Variants in TNMD observed in about 807,000 individuals in gnomAD.
TNMD encodes the protein tenomodulin.
In TNMD, 15 loss-of-function variants were observed where a neutral mutation model predicts 26.9. The ratio of observed to expected loss-of-function variants is 0.56; its 90% CI spans 0.37 to 0.86. The LOEUF (loss-of-function observed/expected upper bound fraction) is 0.86. TNMD is among the 40% of genes least tolerant of loss of function. The pLI is 0.00. For missense variants in TNMD, 222 were observed against 242.6 expected, an observed-to-expected ratio of 0.92 and a Z score of 0.56; for synonymous variants, 73 against 77.0, an observed-to-expected ratio of 0.95 and a Z score of 0.27.
Position 100,587,580 on chromosome X carries a change from A to G in TNMD, c.180+2218A>G, listed in dbSNP as rs138226800. Among the ~76,000 whole-genome samples the G allele has an allele frequency of 3.9e-3, 439 of 112,103 alleles. 3 individuals carry two copies. The highest frequency in any genetic ancestry group is 0.013 in the African/African-American group (401 of 30,912). Reference sequence around the variant, plus strand: ...GGGGAGTTATGATTCATTGTCTTTGATATTTAAGTCATGGCCTTCATAAGA... The same window carrying G: ...GGGGAGTTATGATTCATTGTCTTTGGTATTTAAGTCATGGCCTTCATAAGA... On this transcript the variant is annotated intron_variant, in intron 2 of 6. Coordinates refer to ENST00000373031, the MANE Select transcript of TNMD (RefSeq NM_022144.3).
At chrX:100,588,228 T>A (rs904339505) in intron 2 of TNMD, among the ~76,000 whole-genome samples, 2 of 111,581 alleles carry the variant, frequency 1.8e-5, no homozygotes, top group Non-Finnish European at 3.8e-5. Flanking sequence ...GAACAAGCCA[T>A]GCTTGACCTC....
intron 2 of TNMD, 92 bp from the exon 3 acceptor site, chrX:100,593,803 A>G (rs1424276354): frequency 2.1e-6 from 2 of 973,859 alleles, no homozygotes; most frequent in Non-Finnish European, 2.8e-6. Context: ...ACCAGCTCTG[A>G]AGGGATCCCC....
chrX:100,587,187 C>T (rs191477989), intron 2 of TNMD, among the ~76,000 whole-genome samples: 3 of 112,439 alleles, frequency 2.7e-5, no homozygotes. Flanking sequence ...TAGGTGGAGA[C>T]CTTGCCTTTT....
chrX:100,591,835 G>C (rs1015027683), intron 2 of TNMD, among the ~76,000 whole-genome samples: 1 of 111,852 alleles, frequency 8.9e-6, no homozygotes, highest in Non-Finnish European at 1.9e-5. Context: ...ATCAAGATCT[G>C]CTGAGCTTGG....
At chrX:100,585,543 G>GA (rs1343958373) in intron 2 of TNMD, among the ~76,000 whole-genome samples, 181 bp downstream of exon 2, 2 of 83,068 alleles carry the variant, frequency 2.4e-5, no homozygotes, top group African/African-American at 1.0e-4. Context: ...ATTTTGGTAA[G>GA]GGAAAAAAAT....
At chrX:100,596,626 C>T (rs1297849324) in intron 4 of TNMD, among the ~76,000 whole-genome samples, 1 of 111,146 alleles carries the variant, frequency 9.0e-6, no homozygotes, top group African/African-American at 3.3e-5. Flanking sequence ...ATATAAATAG[C>T]CCTGATTTTG....
At chrX:100,588,375 C>G (rs755313425) in intron 2 of TNMD, among the ~76,000 whole-genome samples, 1 of 111,348 alleles carries the variant, frequency 9.0e-6, no homozygotes, top group African/African-American at 3.3e-5. Flanking sequence ...GGACGACTAA[C>G]TCTGGGTGAG....
intron 2 of TNMD, among the ~76,000 whole-genome samples, chrX:100,590,803 T>A (rs1192419072): frequency 9.0e-6 from 1 of 111,607 alleles, no homozygotes; most frequent in Non-Finnish European, 1.9e-5. Flanking sequence ...CCCCCAAATA[T>A]CTCCCATTCC....
Position 100,599,868 on chromosome X carries a change from C to T in TNMD, c.*151C>T, listed in dbSNP as rs2147611402. 4.1e-6 allele frequency: 2 copies of T among 491,589 alleles called. No homozygotes were observed. The highest frequency in any genetic ancestry group is 2.4e-5 in the African/African-American group (1 of 41,841). 40.5% of individuals were successfully genotyped at this position (491,589 alleles called of 1,213,427 possible). On this transcript the variant is annotated 3_prime_UTR_variant, in exon 7 of 7. Transcript: ENST00000373031. The stretch of plus-strand genomic sequence containing the variant: ...ATTCCTCTCTTCATGTTCTAATAAA[C>T]TTCTACATTATCACCAACAGCCTGA...
intron 4 of TNMD, among the ~76,000 whole-genome samples, chrX:100,597,006 G>T (rs910113319): frequency 2.7e-5 from 3 of 112,108 alleles, no homozygotes; most frequent in Admixed American, 1.9e-4. Context: ...GGCAAATCTT[G>T]TAAAACCAAA....
At chrX:100,595,546 T>A (rs2082950496) in intron 4 of TNMD, among the ~76,000 whole-genome samples, 1 of 110,744 alleles carries the variant, frequency 9.0e-6, no homozygotes, top group African/African-American at 3.3e-5. Flanking sequence ...AACCCATTTA[T>A]CTTTTCCTTT....
intron 2 of TNMD, chrX:100,593,379 G>A: frequency 1.3e-6 from 1 of 753,099 alleles, no homozygotes; most frequent in Non-Finnish European, 1.6e-6. Context: ...AGTTTAAGGG[G>A]CAAAAGGAAG....
chrX:100,595,738 G>T (rs1471109683), intron 4 of TNMD, among the ~76,000 whole-genome samples: 1 of 110,730 alleles, frequency 9.0e-6, no homozygotes, highest in Non-Finnish European at 1.9e-5. Flanking sequence ...AAAAAAGAAC[G>T]TTCTCCCAAA....
At chrX:100,594,211 TA>T (rs768470160) in intron 3 of TNMD, 49 bp from the exon 4 acceptor site, 1 of 1,034,864 alleles carries the variant, frequency 9.7e-7, no homozygotes, top group African/African-American at 1.9e-5. Context: ...TGGAACTTAC[TA>T]ATAGTGGCTC....
Position 100,599,091 on chromosome X carries a change from A to G in TNMD, c.653A>G (p.Gln218Arg), listed in dbSNP as rs199638214. The change falls in exon 6 of 7, where the codon CAA becomes CGA. Residue 218 changes from glutamine to arginine, a missense_variant. Coordinates refer to ENST00000373031, the MANE Select transcript of TNMD (RefSeq NM_022144.3). ...GCCAACGAAAAAAAAGGGATTGAAC[A>G]AAATGAACAGTGGGTGGTCCCTCAA... ...FPANEKKGIE[Q>R]NEQWVVPQVK... 5.0e-6 allele frequency: 6 copies of G among 1,206,195 alleles called. No homozygotes were observed. The highest frequency in any genetic ancestry group is 6.7e-6 in the Non-Finnish European group (6 of 893,093).
In TNMD at chrX:100,599,304, A is replaced by T. The variant is rs2082962059; in HGVS notation, c.744+122A>T. On this transcript the variant is annotated intron_variant, in intron 6 of 6. Coordinates refer to ENST00000373031, the MANE Select transcript of TNMD (RefSeq NM_022144.3). ...TCATGGCTTTAACAAAAAAAAAAAAATGTTTAAGAAACTTGGAATCTCCAG... is the reference window on the plus strand; with the variant it reads ...TCATGGCTTTAACAAAAAAAAAAAATTGTTTAAGAAACTTGGAATCTCCAG... The T allele has an allele frequency of 1.9e-5, 12 of 640,824 alleles. 1 individual carries two copies. Among genetic ancestry groups the T allele is most frequent in the Non-Finnish European group, 2.7e-5 (12 of 436,572 alleles). The allele number at this position is 640,824 out of a possible 1,213,427, so 52.8% of individuals were successfully genotyped here.
intron 2 of TNMD, 41 bp downstream of exon 2, chrX:100,585,403 G>A: frequency 8.8e-7 from 1 of 1,139,966 alleles, no homozygotes; most frequent in Non-Finnish European, 1.2e-6. Context: ...TCTGTTCTGA[G>A]TTTGATTGAA....
At chrX:100,597,306 A>T (rs1302954414) in intron 4 of TNMD, among the ~76,000 whole-genome samples, 198 bp from the exon 5 acceptor site, 1 of 112,006 alleles carries the variant, frequency 8.9e-6, no homozygotes, top group African/African-American at 3.2e-5. Context: ...TTGCTGTTAG[A>T]CCCAGGAAGG....
intron 2 of TNMD, among the ~76,000 whole-genome samples, chrX:100,588,400 T>A (rs2082928156): frequency 9.0e-6 from 1 of 111,276 alleles, no homozygotes; most frequent in Non-Finnish European, 1.9e-5. Flanking sequence ...TGCATTTTCT[T>A]ACAGGTCCCA....
Sources: allele counts gnomAD v4.1 joint callset (sites outside exome capture counted in the v4.1 genomes callset), GRCh38; gene constraint gnomAD v4.1.1; transcripts MANE v1.5; gene names NCBI Gene and HGNC (gene_info 2026-07-23, HGNC 2026-07-21).